Variants in ARHGEF4 observed in about 807,000 individuals in gnomAD.
ARHGEF4 encodes the protein Rho guanine nucleotide exchange factor 4.
Under a neutral mutation model 162.0 loss-of-function variants are expected in ARHGEF4, and 119 were observed. The observed-to-expected ratio is 0.73, with a 90% confidence interval of 0.63 to 0.86. The LOEUF is 0.86. Ranked by LOEUF, ARHGEF4 falls within the 40% of genes least tolerant of loss-of-function variation. The pLI, the probability that ARHGEF4 is intolerant of heterozygous loss-of-function variation, is 0.00. For synonymous variants in ARHGEF4, 1,014 were observed against 979.9 expected, an observed-to-expected ratio of 1.03 and a Z score of -0.65; for missense variants, 2,488 against 2,456.0, an observed-to-expected ratio of 1.01 and a Z score of -0.28.
intron 3 of ARHGEF4, among the ~76,000 whole-genome samples, chr2:130,936,877 CTCTT>C (rs996459912): frequency 4.4e-5 from 6 of 137,430 alleles, no homozygotes; most frequent in African/African-American, 1.5e-4. Context: ...ATCATTTTCT[CTCTT>C]TCTTTCTTTT....
chr2:131,028,211 C>A, intron 5 of ARHGEF4, 127 bp downstream of exon 5: 2 of 1,345,250 alleles, frequency 1.5e-6, no homozygotes, highest in South Asian at 1.4e-5. Context: ...GCTGGCCATA[C>A]ACAGCGCAGT....
chr2:130,884,198 T>C (rs1229323571), intron 1 of ARHGEF4, among the ~76,000 whole-genome samples: 1 of 151,846 alleles, frequency 6.6e-6, no homozygotes, highest in African/African-American at 2.4e-5. Flanking sequence ...AGTATCTGAA[T>C]AGGCAGGAGA....
At chr2:130,961,385 T>C (rs1023212970) in intron 4 of ARHGEF4, among the ~76,000 whole-genome samples, 1 of 151,754 alleles carries the variant, frequency 6.6e-6, no homozygotes, top group Non-Finnish European at 1.5e-5. Context: ...AGCCAAGCCA[T>C]GAAAAGCCAA....
intron 1 of ARHGEF4, among the ~76,000 whole-genome samples, chr2:130,846,074 G>A (rs187290675): frequency 5.9e-5 from 9 of 152,334 alleles, no homozygotes; most frequent in Middle Eastern, 3.4e-3. Context: ...GCCCACCTCG[G>A]CCAGAAGGCA....
intron 4 of ARHGEF4, among the ~76,000 whole-genome samples, chr2:130,971,147 A>G (rs1365285942): frequency 6.6e-6 from 1 of 152,194 alleles, no homozygotes; most frequent in Non-Finnish European, 1.5e-5. Flanking sequence ...TCCAATTTTT[A>G]TAGCACCATT....
chr2:131,039,117 T>C, intron 6 of ARHGEF4, 85 bp downstream of exon 6: 1 of 1,457,982 alleles, frequency 6.9e-7, no homozygotes, highest in Non-Finnish European at 9.1e-7. Flanking sequence ...CCAAAACAGC[T>C]CTGGCATCCT....
At chr2:131,041,686 T>A (rs1690821428) in intron 9 of ARHGEF4, 129 bp from the exon 10 acceptor site, 2 of 1,333,092 alleles carry the variant, frequency 1.5e-6, no homozygotes. Flanking sequence ...GCTGTGCATC[T>A]GATAGTGAGG....
intron 4 of ARHGEF4, among the ~76,000 whole-genome samples, chr2:130,992,950 T>A (rs1259539524): frequency 6.6e-6 from 1 of 152,092 alleles, no homozygotes; most frequent in African/African-American, 2.4e-5. Flanking sequence ...CAGGCGTGAT[T>A]GTGCACATCT....
At chr2:131,027,902 C>G (rs1689583434) in intron 4 of ARHGEF4, 43 bp from the exon 5 acceptor site, 1 of 1,609,964 alleles carries the variant, frequency 6.2e-7, no homozygotes, top group African/African-American at 1.3e-5. Context: ...CTCAGCCCTT[C>G]CCAGCCCAGC....
At chr2:130,923,800 G>A (rs1682044654) in intron 2 of ARHGEF4, among the ~76,000 whole-genome samples, 1 of 152,196 alleles carries the variant, frequency 6.6e-6, no homozygotes, top group South Asian at 2.1e-4. Flanking sequence ...TCATATGTTA[G>A]TAATGTGGAG....
At chr2:131,045,806 A>T in intron 13 of ARHGEF4, 1 of 1,425,956 alleles carries the variant, frequency 7.0e-7, no homozygotes, top group Non-Finnish European at 9.1e-7. Context: ...GCCTTTGCAC[A>T]GGCCACCCCC....
rs1253820912 is a variant in ARHGEF4, at chr2:130,963,291, C to G, written c.3985+16656C>G. ...CAGGCGCCCGGTGGTCCACGCTCAC[C>G]GTGCGCCTGGCTGAGCGCAGATGAG... On this transcript the variant is annotated intron_variant, in intron 4 of 13. Transcript: ENST00000409359. Among the ~76,000 whole-genome samples, 4 of 152,208 alleles carry G rather than the reference C, an allele frequency of 2.6e-5. No homozygotes were observed. The South Asian group carries it at 8.3e-4, about 32-fold the overall frequency.
At chr2:130,897,941 T>A (rs1235169720) in intron 1 of ARHGEF4, among the ~76,000 whole-genome samples, 1 of 152,242 alleles carries the variant, frequency 6.6e-6, no homozygotes, top group Non-Finnish European at 1.5e-5. Context: ...CTATTTTAGC[T>A]GCATTTGCTT....
chr2:131,009,638 C>G (rs1239604985), intron 4 of ARHGEF4, among the ~76,000 whole-genome samples: 1 of 152,144 alleles, frequency 6.6e-6, no homozygotes, highest in African/African-American at 2.4e-5. Context: ...TCAGCCTATT[C>G]AGTAAATATT....
intron 4 of ARHGEF4, among the ~76,000 whole-genome samples, chr2:130,979,399 A>C (rs1685964242): frequency 6.6e-6 from 1 of 152,174 alleles, no homozygotes; most frequent in Non-Finnish European, 1.5e-5. Context: ...CAGGGAACCT[A>C]ATATCCAAAA....
chr2:130,906,021 T>C (rs1680791018), intron 1 of ARHGEF4, among the ~76,000 whole-genome samples: 1 of 152,254 alleles, frequency 6.6e-6, no homozygotes, highest in Non-Finnish European at 1.5e-5. Context: ...TTATTTATGC[T>C]GTTACCCAGA....
Position 131,040,095 on chromosome 2 carries a change from A to G in ARHGEF4, c.4385A>G (p.Glu1462Gly), listed in dbSNP as rs748290858. 7.5e-6 allele frequency: 12 copies of G among 1,610,096 alleles called. No individual in the cohort carries two copies. In the South Asian group the frequency reaches 1.1e-4, roughly 15 times the overall value. ...GNSGAEDGGAEAQSSKDQMRT... is the reference protein window; with the variant it reads ...GNSGAEDGGAGAQSSKDQMRT... Reference sequence around the variant, plus strand: ...AGCGGAGCGGAGGACGGCGGGGCGGAGGCGCAGAGCAGCAAGGACCAGATG... The same window carrying G: ...AGCGGAGCGGAGGACGGCGGGGCGGGGGCGCAGAGCAGCAAGGACCAGATG... The change falls in exon 7 of 14, where the codon GAG becomes GGG. Residue 1462 changes from glutamate to glycine, a missense_variant. Physicochemically the swap from Glu to Gly is moderately conservative, Grantham distance 98. Transcript: ENST00000409359.
intron 4 of ARHGEF4, among the ~76,000 whole-genome samples, chr2:131,001,328 A>C (rs1026525288): frequency 1.3e-5 from 2 of 150,342 alleles, no homozygotes; most frequent in African/African-American, 2.5e-5. Flanking sequence ...AAAAAAAAAA[A>C]CAGAAAGAGC....
At chr2:130,866,843 GTAATA>G (rs1052088006) in intron 1 of ARHGEF4, among the ~76,000 whole-genome samples, 9 of 152,140 alleles carry the variant, frequency 5.9e-5, no homozygotes, top group African/African-American at 2.2e-4. Context: ...TTTCTTTCTT[GTAATA>G]TCCTTTTTTG....
Sources: gnomAD v4.1 joint callset for allele counts (sites outside exome capture counted in the v4.1 genomes callset) on GRCh38, gnomAD v4.1.1 for gene constraint, MANE v1.5 for transcripts, NCBI Gene and HGNC (gene_info 2026-07-23, HGNC 2026-07-21) for gene names.